YLPM1: variants seen among roughly 807,000 people sequenced by gnomAD.
YLPM1 encodes the protein YLP motif containing 1.
In YLPM1, 99 loss-of-function variants were observed where a neutral mutation model predicts 230.0. The observed-to-expected ratio is 0.43, with a 90% CI of 0.37 to 0.51. The LOEUF (loss-of-function observed/expected upper bound fraction) is 0.51, where lower values mean the gene tolerates loss of function less well. YLPM1 is among the 20% of genes least tolerant of loss of function. The probability of loss-of-function intolerance (pLI) is 0.00; values close to 1 mark genes in which losing one functional copy is unlikely to be tolerated. For missense variants in YLPM1, 2,592 were observed against 2,707.7 expected, an observed-to-expected ratio of 0.96 and a Z score of 0.95; for synonymous variants, 984 against 942.5, an observed-to-expected ratio of 1.04 and a Z score of -0.81.
rs768947105 is a variant in YLPM1 at position 74,817,116 on chromosome 14, T to C, written c.5862+9T>C. 1.9e-5 allele frequency: 31 copies of C among 1,598,690 alleles called. No homozygotes were observed. The highest frequency in any genetic ancestry group is 2.6e-5 in the Non-Finnish European group (30 of 1,173,554). On this transcript the variant is annotated intron_variant, in intron 14 of 20. Transcript: ENST00000325680. ...AAACCAAGGGATTTGAGGTAGAAGCTTAAAGAACTTTAAAGTACTTTGTGT... is the reference window on the plus strand; with the variant it reads ...AAACCAAGGGATTTGAGGTAGAAGCCTAAAGAACTTTAAAGTACTTTGTGT...
chr14:74,829,781 G>A (rs866353187), intron 19 of YLPM1, among the ~76,000 whole-genome samples: 3 of 152,102 alleles, frequency 2.0e-5, no homozygotes, highest in Admixed American at 6.5e-5. Context: ...AGAAAACTGG[G>A]GGAGTCATAG....
intron 16 of YLPM1, 30 bp from the exon 17 acceptor site, chr14:74,821,027 C>CTT (rs750279167): frequency 5.0e-4 from 657 of 1,312,298 alleles, no homozygotes; most frequent in South Asian, 2.6e-3. Context: ...TTAACTCAGT[C>CTT]TTTTTTTTTT....
At chr14:74,829,630 C>G (rs138639869) in intron 19 of YLPM1, among the ~76,000 whole-genome samples, 1 of 152,166 alleles carries the variant, frequency 6.6e-6, no homozygotes, top group Non-Finnish European at 1.5e-5. Context: ...GCAAAAAAAG[C>G]CAGGTACAGA....
At chr14:74,823,227 A>G (rs1461109539) in intron 17 of YLPM1, among the ~76,000 whole-genome samples, 1 of 152,038 alleles carries the variant, frequency 6.6e-6, no homozygotes, top group Non-Finnish European at 1.5e-5. Flanking sequence ...CCTGTGTGTC[A>G]GTTTGTTTCA....
At chr14:74,831,112 AAAAT>A (rs2091606099) in intron 19 of YLPM1, among the ~76,000 whole-genome samples, 1 of 152,216 alleles carries the variant, frequency 6.6e-6, no homozygotes, top group Admixed American at 6.5e-5. Context: ...ATAGGTGAAA[AAAAT>A]AGTATCTCAT....
In YLPM1 at chr14:74,794,401, C is replaced by CT. The variant is rs2091238147; in HGVS notation, c.2283-3178dup. Among the ~76,000 whole-genome samples, 4 of 152,300 alleles carry CT rather than the reference C, an allele frequency of 2.6e-5. No individual in the cohort carries two copies. In the South Asian group the frequency reaches 8.3e-4, roughly 32 times the overall value. On this transcript the variant is annotated intron_variant, in intron 4 of 20. Coordinates refer to ENST00000325680, the MANE Select transcript of YLPM1 (RefSeq NM_019589.3). ...TTCACCATGTTGGCCAGGCTGGTCTCTAACTCCTGACCTCAAGTGATCCAC... is the reference window on the plus strand; with the variant it reads ...TTCACCATGTTGGCCAGGCTGGTCTCTTAACTCCTGACCTCAAGTGATCCAC...
At chr14:74,801,464 A>G (rs1166674244) in intron 5 of YLPM1, among the ~76,000 whole-genome samples, 1 of 152,234 alleles carries the variant, frequency 6.6e-6, no homozygotes, top group African/African-American at 2.4e-5. Context: ...GGCATTGTGA[A>G]AAAAAGTAAA....
intron 4 of YLPM1, among the ~76,000 whole-genome samples, chr14:74,793,194 GC>G (rs2091224453): frequency 6.6e-6 from 1 of 151,988 alleles, no homozygotes; most frequent in African/African-American, 2.4e-5. Flanking sequence ...CAGTATGCTG[GC>G]CCCTTTCTGT....
intron 15 of YLPM1, among the ~76,000 whole-genome samples, chr14:74,817,912 T>A (rs1460065509): frequency 1.3e-5 from 2 of 151,760 alleles, no homozygotes; most frequent in Admixed American, 1.3e-4. Flanking sequence ...AAAAATTAGC[T>A]GGGCATGGTG....
chr14:74,819,523 C>T (rs2091504439), intron 16 of YLPM1, among the ~76,000 whole-genome samples: 1 of 152,158 alleles, frequency 6.6e-6, no homozygotes, highest in Non-Finnish European at 1.5e-5. Context: ...AATCTGCCCA[C>T]CTCAGCCTCC....
intron 5 of YLPM1, among the ~76,000 whole-genome samples, chr14:74,800,749 A>G (rs1407700798): frequency 6.6e-6 from 1 of 152,214 alleles, no homozygotes; most frequent in African/African-American, 2.4e-5. Flanking sequence ...TTACTCATGA[A>G]GAAAATGTGG....
Position 74,780,515 on chromosome 14 carries a change from G to A in YLPM1, c.1221G>A (p.Gln407=). Residue 407 remains glutamine (Q), a synonymous_variant, in exon 3 of 21, where the codon CAG becomes CAA. Coordinates refer to ENST00000325680, the MANE Select transcript of YLPM1 (RefSeq NM_019589.3). ...RVGFQYQGIM[Q]KHTQLQQILQ... Reference sequence around the variant, plus strand: ...GTTTCCAGTATCAGGGAATAATGCAGAAGCACACTCAGTTACAGCAGATTC... The same window carrying A: ...GTTTCCAGTATCAGGGAATAATGCAAAAGCACACTCAGTTACAGCAGATTC... 1 of 1,613,988 alleles carries A rather than the reference G, an allele frequency of 6.2e-7. No individual in the cohort carries two copies. The highest frequency in any genetic ancestry group is 2.2e-5 in the East Asian group (1 of 44,882).
At position 74,810,724 on chromosome 14, in the gene YLPM1, TTA is replaced by T. The variant is rs1325054051; in HGVS notation, c.5228+306_5228+307del. ...TTGCAATTCATGAGCTTTTTATTTA[TTA>T]TTATTATTATTATTATTATACCTAA... On this transcript the variant is annotated intron_variant, in intron 9 of 20. Transcript: ENST00000325680. Among the ~76,000 whole-genome samples the T allele has an allele frequency of 1.3e-4, 9 of 67,796 alleles. No homozygotes were observed. The African/African-American group carries it at 1.7e-3, about 13-fold the overall frequency. 44.5% of individuals were successfully genotyped at this position (67,796 alleles called of 152,430 possible). A position where few individuals can be genotyped will look rare whatever the true frequency, so the allele number is the denominator to read the frequency against.
intron 17 of YLPM1, chr14:74,822,252 T>G (rs981758097): frequency 6.6e-6 from 1 of 152,180 alleles, no homozygotes; most frequent in Non-Finnish European, 1.5e-5. Context: ...ATGACTTCTT[T>G]AGCCATTTGC....
chr14:74,784,593 CA>C (rs2091128466), intron 4 of YLPM1, among the ~76,000 whole-genome samples: 1 of 152,226 alleles, frequency 6.6e-6, no homozygotes, highest in African/African-American at 2.4e-5. Flanking sequence ...GTATGCTTAA[CA>C]TTGGCATTGT....
Position 74,829,214 on chromosome 14 carries a change from C to T in YLPM1, c.6165C>T (p.Asp2055=), listed in dbSNP as rs2091589671. The T allele has an allele frequency of 1.2e-6, 2 of 1,612,766 alleles. No homozygotes were observed. The highest frequency in any genetic ancestry group is 1.7e-6 in the Non-Finnish European group (2 of 1,179,208). Residue 2055 remains aspartate, a splice_region_variant and synonymous_variant, in exon 19 of 21, where the codon GAC becomes GAT. Transcript: ENST00000325680. Reference sequence around the variant, plus strand: ...TACGGCTCTGTGTTTGTCCCTCAGACAAGTTGGATGGCTTGAGGACTGGTA... The same window carrying T: ...TACGGCTCTGTGTTTGTCCCTCAGATAAGTTGGATGGCTTGAGGACTGGTA... The part of the protein sequence containing the change: ...WEMDTSEAKL[D]KLDGLRTGTK...
chr14:74,780,725 A>C (rs1215347634), intron 3 of YLPM1, 141 bp downstream of exon 3: 90 of 1,409,176 alleles, frequency 6.4e-5, no homozygotes, highest in Non-Finnish European at 8.3e-5. Context: ...CCAAGTAGTT[A>C]TCTGCCACAT....
At chr14:74,771,722 G>A (rs767615848) in intron 1 of YLPM1, among the ~76,000 whole-genome samples, 31 of 152,148 alleles carry the variant, frequency 2.0e-4, no homozygotes, top group Non-Finnish European at 3.4e-4. Context: ...AAGCCATATT[G>A]CATTGATTTG....
chr14:74,775,269 G>C (rs1180427958), intron 1 of YLPM1, among the ~76,000 whole-genome samples: 3 of 152,176 alleles, frequency 2.0e-5, no homozygotes, highest in Non-Finnish European at 4.4e-5. Context: ...GTGTGCTCTA[G>C]CACTATGCTT....
Sources: gnomAD v4.1 joint callset for allele counts (sites outside exome capture counted in the v4.1 genomes callset) on GRCh38, gnomAD v4.1.1 for gene constraint, MANE v1.5 for transcripts, NCBI Gene and HGNC (gene_info 2026-07-23, HGNC 2026-07-21) for gene names.